MAP4K3: variants seen among roughly 807,000 people sequenced by gnomAD.
MAP4K3 encodes MAPK/ERK kinase kinase kinase 3.
A neutral mutation model predicts 143.5 loss-of-function variants in MAP4K3; 94 were observed. The ratio of observed to expected loss-of-function variants is 0.65; its 90% confidence interval spans 0.55 to 0.78. MAP4K3 has a LOEUF of 0.78. Ranked by LOEUF, MAP4K3 falls within the 30% of genes least tolerant of loss-of-function variation. MAP4K3 has a pLI of 0.00. For missense variants in MAP4K3, 1,077 were observed against 1,068.1 expected (o/e 1.01, Z -0.12); for synonymous variants, 416 against 347.2 (o/e 1.20, Z -2.20).
chr2:39,362,928 C>T (rs764368965), intron 2 of MAP4K3, among the ~76,000 whole-genome samples: 2 of 152,102 alleles, frequency 1.3e-5, no homozygotes, highest in South Asian at 4.1e-4. Flanking sequence ...CACAAGGATG[C>T]CAAGACTATG....
At chr2:39,294,954 A>G (rs1346963697) in intron 16 of MAP4K3, among the ~76,000 whole-genome samples, 3 of 152,122 alleles carry the variant, frequency 2.0e-5, no homozygotes. Flanking sequence ...AGACTACAAG[A>G]TGTGTGATAC....
chr2:39,272,508 A>C lies in MAP4K3; in HGVS notation c.1829T>G (p.Met610Arg), dbSNP rs762184952. The C allele has an allele frequency of 2.6e-5, 42 of 1,613,482 alleles. No individual in the cohort carries two copies. Among genetic ancestry groups the C allele is most frequent in the Non-Finnish European group, 5.1e-6 (6 of 1,179,674 alleles). The part of the protein sequence containing the change: ...FPRRCTWLYV[M>R]NNCLLSISGK... The stretch of plus-strand genomic sequence containing the variant: ...AGATATTGATAGCAAGCAATTGTTC[A>C]TTACATACAACCATGTACACCTTCG... The change falls in exon 25 of 34, where the codon ATG becomes AGG. Residue 610 changes from methionine to arginine, a missense_variant. Coordinates refer to ENST00000263881, the MANE Select transcript of MAP4K3 (RefSeq NM_003618.4).
Position 39,315,354 on chromosome 2 carries a change from G to A in MAP4K3, c.953C>T (p.Thr318Ile), listed in dbSNP as rs774499533. ...TTTTTCTTCTCTCACGTTTCTACTTGTTGAGTGAATTCTATGTGGTACAGC... is the reference window on the plus strand; with the variant it reads ...TTTTTCTTCTCTCACGTTTCTACTTATTGAGTGAATTCTATGTGGTACAGC... ...LVAVPHRIHS[T>I]SRNVREEKTR... Residue 318 changes from threonine (T) to isoleucine (I), a missense_variant, in exon 13 of 34, where the codon ACA (threonine) becomes ATA (isoleucine). By Grantham distance (89) the Thr-to-Ile change is moderately conservative (BLOSUM62 -1). Transcript: ENST00000263881. 1.2e-6 allele frequency: 2 copies of A among 1,612,344 alleles called. No homozygotes were observed. Among genetic ancestry groups the A allele is most frequent in the South Asian group, 1.1e-5 (1 of 91,004 alleles).
rs1041336273 is a variant in MAP4K3, at chr2:39,260,978, C to T, written c.2137-201G>A. On this transcript the variant is annotated intron_variant, in intron 28 of 33. Coordinates refer to ENST00000263881, the MANE Select transcript of MAP4K3 (RefSeq NM_003618.4). ...GCAAAATATTTTAAAGTTATAATTA[C>T]ATGATTTTAGGACATTAAGGCTGGA... 1.7e-4 allele frequency: 84 copies of T among 481,994 alleles called. No individual in the cohort carries two copies. In the East Asian group the frequency reaches 3.1e-3, roughly 18 times the overall value. 29.9% of individuals were successfully genotyped at this position (481,994 alleles called of 1,614,324 possible).
At chr2:39,260,353 C>T (rs1558604933) in intron 29 of MAP4K3, among the ~76,000 whole-genome samples, 2 of 152,024 alleles carry the variant, frequency 1.3e-5, no homozygotes, top group African/African-American at 2.4e-5. Context: ...TGGACTCAAG[C>T]GATCTTCTCA....
intron 12 of MAP4K3, 150 bp from the exon 13 acceptor site, chr2:39,315,538 A>T (rs1411293119): frequency 2.0e-5 from 11 of 554,152 alleles, no homozygotes; most frequent in Non-Finnish European, 3.2e-5. Flanking sequence ...TTAAAAAAGC[A>T]AACCACAATA....
chr2:39,312,478 G>C lies in MAP4K3; in HGVS notation c.997+2832C>G, dbSNP rs181928076. Among the ~76,000 whole-genome samples, 13 of 152,324 alleles carry C rather than the reference G, an allele frequency of 8.5e-5. No individual in the cohort carries two copies. In the East Asian group the frequency reaches 2.5e-3, roughly 29 times the overall value. ...AGCATAATCACTTTTCTAACGGTTT[G>C]ATTTCAACTTTGTATGTAAATTTAT... On this transcript the variant is annotated intron_variant, in intron 13 of 33. Transcript: ENST00000263881.
intron 6 of MAP4K3, among the ~76,000 whole-genome samples, chr2:39,334,350 T>C (rs1403495688): frequency 6.6e-6 from 1 of 152,016 alleles, no homozygotes; most frequent in Non-Finnish European, 1.5e-5. Context: ...CATGTAAGTA[T>C]GGGTTTGGTG....
At chr2:39,303,887 T>C (rs1682599961) in intron 15 of MAP4K3, among the ~76,000 whole-genome samples, 3 of 152,160 alleles carry the variant, frequency 2.0e-5, no homozygotes, top group Admixed American at 1.3e-4. Flanking sequence ...TTTTAATTGG[T>C]ACATGGGCTT....
At chr2:39,375,806 C>T (rs1019270813) in intron 2 of MAP4K3, among the ~76,000 whole-genome samples, 2 of 152,174 alleles carry the variant, frequency 1.3e-5, no homozygotes, top group East Asian at 1.9e-4. Flanking sequence ...CACAGATTTG[C>T]CTTTTCTGAA....
intron 1 of MAP4K3, among the ~76,000 whole-genome samples, chr2:39,385,522 T>G (rs1666473279): frequency 6.8e-6 from 1 of 146,544 alleles, no homozygotes; most frequent in African/African-American, 2.5e-5. Flanking sequence ...CTGGAATATT[T>G]ATTTTCTTAC....
chr2:39,291,455 T>C (rs927975998), intron 18 of MAP4K3, among the ~76,000 whole-genome samples: 1 of 152,196 alleles, frequency 6.6e-6, no homozygotes, highest in Non-Finnish European at 1.5e-5. Context: ...ATATATCACA[T>C]TGTAAACTTC....
intron 2 of MAP4K3, among the ~76,000 whole-genome samples, chr2:39,369,193 G>GTTTTTTTTTTGTT (rs1553419596): frequency 5.3e-5 from 2 of 37,976 alleles, no homozygotes; most frequent in Non-Finnish European, 7.1e-5. Flanking sequence ...CTTTGGGCTA[G>GTTTTTTTTTTGTT]TTTTTTTTTT....
rs184634307 is a variant in MAP4K3 at position 39,254,272 on chromosome 2, G to C, written c.2541+178C>G. On this transcript the variant is annotated intron_variant, in intron 32 of 33. Transcript: ENST00000263881. ...AATATGCACTAAAGTTGTTTGAGTA[G>C]TGGAGAGAGAGAGAGGTGGACATAG... Among the ~76,000 whole-genome samples the C allele has an allele frequency of 8.8e-3, 1,343 of 152,304 alleles. 19 individuals carry two copies. Among genetic ancestry groups the C allele is most frequent in the Admixed American group, 0.035 (534 of 15,302 alleles).
chr2:39,382,566 T>A (rs951049490), intron 1 of MAP4K3, among the ~76,000 whole-genome samples: 1 of 152,224 alleles, frequency 6.6e-6, no homozygotes, highest in African/African-American at 2.4e-5. Flanking sequence ...ATTCTAAAAG[T>A]CAATGTTTAT....
intron 4 of MAP4K3, among the ~76,000 whole-genome samples, chr2:39,342,426 G>A (rs1182052694): frequency 6.6e-6 from 1 of 151,998 alleles, no homozygotes; most frequent in Non-Finnish European, 1.5e-5. Flanking sequence ...CACTGCACCC[G>A]GCCCTTCATC....
At chr2:39,284,448 A>G (rs1218074465) in intron 21 of MAP4K3, among the ~76,000 whole-genome samples, 2 of 152,150 alleles carry the variant, frequency 1.3e-5, no homozygotes, top group African/African-American at 4.8e-5. Context: ...GGTGTGAGCC[A>G]CTGTGCCCGG....
intron 20 of MAP4K3, among the ~76,000 whole-genome samples, chr2:39,287,347 G>T (rs1201276842): frequency 2.0e-5 from 3 of 150,480 alleles, no homozygotes; most frequent in Non-Finnish European, 2.9e-5. Flanking sequence ...AGGCTAGAGT[G>T]CAATGGCGTG....
chr2:39,296,935 G>C (rs1239559857), intron 16 of MAP4K3, among the ~76,000 whole-genome samples: 1 of 152,100 alleles, frequency 6.6e-6, no homozygotes, highest in African/African-American at 2.4e-5. Context: ...AATAATAGAG[G>C]TAAATTTCTC....
Sources: gnomAD v4.1 joint callset for allele counts (sites outside exome capture counted in the v4.1 genomes callset) on GRCh38, gnomAD v4.1.1 for gene constraint, MANE v1.5 for transcripts, NCBI Gene and HGNC (gene_info 2026-07-23, HGNC 2026-07-21) for gene names.